EYA1: variants seen among roughly 807,000 people sequenced by gnomAD.
EYA1 encodes the protein protein phosphatase EYA1.
EYA1 carries 16 observed loss-of-function variants against 82.0 expected under a neutral mutation model. The ratio of observed to expected loss-of-function variants is 0.20; its 90% CI spans 0.13 to 0.30. EYA1 has a LOEUF of 0.30. Among genes scored for constraint, EYA1 ranks in the 10% least tolerant of loss-of-function variants. EYA1 has a pLI of 1.00. For synonymous variants in EYA1, 261 were observed against 264.4 expected (o/e 0.99, Z 0.12); for missense variants, 633 against 730.7 (o/e 0.87, Z 1.54).
At chr8:71,514,364 T>C (rs1315291504) in intron 2 of EYA1, among the ~76,000 whole-genome samples, 2 of 152,146 alleles carry the variant, frequency 1.3e-5, no homozygotes, top group Admixed American at 1.3e-4. Flanking sequence ...ATTAAAATAT[T>C]AATGATATGA....
At chr8:71,504,951 G>A (rs1384265762) in intron 2 of EYA1, among the ~76,000 whole-genome samples, 9 of 152,024 alleles carry the variant, frequency 5.9e-5, no homozygotes, top group African/African-American at 1.9e-4. Context: ...ACAGGTGTGC[G>A]CCACCACACT....
intron 2 of EYA1, among the ~76,000 whole-genome samples, chr8:71,393,573 G>T (rs1465912878): frequency 1.3e-5 from 2 of 152,122 alleles, no homozygotes; most frequent in Non-Finnish European, 2.9e-5. Context: ...GTGATAGTTT[G>T]CTCAGAATGA....
intron 2 of EYA1, among the ~76,000 whole-genome samples, chr8:71,463,681 C>T (rs1808576561): frequency 7.5e-6 from 1 of 132,904 alleles, no homozygotes; most frequent in Admixed American, 8.6e-5. Flanking sequence ...CACATATACA[C>T]ATATATTTAC....
At chr8:71,338,102 TCCA>T (rs201803164) in intron 3 of EYA1, among the ~76,000 whole-genome samples, 2,588 of 152,314 alleles carry the variant, frequency 0.017, 71 homozygotes, top group African/African-American at 0.06. Context: ...GATAACTGGG[TCCA>T]AATGTATCAT....
intron 2 of EYA1, among the ~76,000 whole-genome samples, chr8:71,481,985 C>A (rs760164927): frequency 5.3e-5 from 8 of 152,028 alleles, no homozygotes; most frequent in Non-Finnish European, 7.4e-5. Flanking sequence ...AAGAGGAAGA[C>A]CACAGTCTCT....
At chr8:71,338,268 A>C (rs1379090178) in intron 3 of EYA1, among the ~76,000 whole-genome samples, 1 of 152,248 alleles carries the variant, frequency 6.6e-6, no homozygotes, top group Non-Finnish European at 1.5e-5. Context: ...GGCAGGACCA[A>C]ATTGTGATTA....
In EYA1 at chr8:71,464,506, G is replaced by A. The variant is rs886654602; in HGVS notation, c.33+71238C>T. On this transcript the variant is annotated intron_variant, in intron 2 of 18. Coordinates refer to the EYA1 transcript ENST00000643681. ...GGGCACTACTGAGCCAAACTCAACAGGCAATGCAACGGGCCTAGTTGGCCC... is the reference window on the plus strand; with the variant it reads ...GGGCACTACTGAGCCAAACTCAACAAGCAATGCAACGGGCCTAGTTGGCCC... Among the ~76,000 whole-genome samples, 5 of 152,292 alleles carry A rather than the reference G, an allele frequency of 3.3e-5. No individual in the cohort carries two copies. The East Asian group carries it at 9.6e-4, about 29-fold the overall frequency.
chr8:71,439,851 A>G (rs114211618), intron 2 of EYA1, among the ~76,000 whole-genome samples: 48 of 152,322 alleles, frequency 3.2e-4, no homozygotes, highest in African/African-American at 1.1e-3. Flanking sequence ...AGCTCTGATA[A>G]TGAACACACA....
intron 3 of EYA1, among the ~76,000 whole-genome samples, chr8:71,338,366 C>A (rs748681319): frequency 1.3e-5 from 2 of 152,196 alleles, no homozygotes; most frequent in Non-Finnish European, 2.9e-5. Flanking sequence ...GTTTACATGG[C>A]AATTGTGATC....
At chr8:71,389,844 G>C (rs1188343727) in intron 2 of EYA1, among the ~76,000 whole-genome samples, 1 of 152,074 alleles carries the variant, frequency 6.6e-6, no homozygotes, top group East Asian at 1.9e-4. Context: ...AAGATCTGTA[G>C]GTTAATACTC....
At chr8:71,380,183 T>C (rs987803164) in intron 2 of EYA1, among the ~76,000 whole-genome samples, 2 of 152,198 alleles carry the variant, frequency 1.3e-5, no homozygotes, top group Non-Finnish European at 2.9e-5. Flanking sequence ...TAAATGTCAC[T>C]TTTTTGTGGA....
At chr8:71,397,069 T>C (rs1829668201) in intron 2 of EYA1, among the ~76,000 whole-genome samples, 2 of 152,232 alleles carry the variant, frequency 1.3e-5, no homozygotes, top group Admixed American at 6.5e-5. Flanking sequence ...TTTTGATCTT[T>C]GTTGATTTAA....
At chr8:71,234,363 C>G (rs1811577039) in intron 12 of EYA1, among the ~76,000 whole-genome samples, 1 of 152,212 alleles carries the variant, frequency 6.6e-6, no homozygotes, top group Non-Finnish European at 1.5e-5. Context: ...TTGATCCTTT[C>G]TGTCTTCACT....
chr8:71,447,598 G>A (rs1169914452), intron 2 of EYA1, among the ~76,000 whole-genome samples: 1 of 151,998 alleles, frequency 6.6e-6, no homozygotes, highest in African/African-American at 2.4e-5. Context: ...GCTAATACAG[G>A]CATATTTCAG....
intron 4 of EYA1, among the ~76,000 whole-genome samples, chr8:71,324,640 A>G (rs577842808): frequency 2.6e-5 from 4 of 152,204 alleles, no homozygotes; most frequent in Admixed American, 6.5e-5. Flanking sequence ...CATTTTACAT[A>G]TAAGGAACTA....
chr8:71,453,384 G>C (rs1807563419), intron 2 of EYA1, among the ~76,000 whole-genome samples: 1 of 152,168 alleles, frequency 6.6e-6, no homozygotes, highest in Admixed American at 6.5e-5. Flanking sequence ...AGCCTAGCAA[G>C]GCAGGCCAAC....
intron 17 of EYA1, among the ~76,000 whole-genome samples, chr8:71,199,727 A>G (rs759521178): frequency 1.3e-5 from 2 of 152,242 alleles, no homozygotes; most frequent in East Asian, 3.8e-4. Context: ...GTTGCCAAAT[A>G]TGGCAGCTGT....
At chr8:71,425,104 C>CAAAAAAAAAAAAA (rs71264555) in intron 2 of EYA1, among the ~76,000 whole-genome samples, 81 of 75,118 alleles carry the variant, frequency 1.1e-3, no homozygotes, top group African/African-American at 1.4e-3. Flanking sequence ...ACTAAAAATA[C>CAAAAAAAAAAAAA]AAAAAAAAAA....
At chr8:71,362,788 A>T (rs1827513676), upstream of EYA1, among the ~76,000 whole-genome samples, 2 of 148,548 alleles carry the variant, frequency 1.3e-5, no homozygotes, top group African/African-American at 5.2e-5. Context: ...TTATTCTTTT[A>T]AAAAAAAATT....
Sources: allele counts gnomAD v4.1 joint callset (sites outside exome capture counted in the v4.1 genomes callset), GRCh38; gene constraint gnomAD v4.1.1; transcripts MANE v1.5; gene names NCBI Gene and HGNC (gene_info 2026-07-23, HGNC 2026-07-21).